The following ITSN2 variants were observed in gnomAD, a reference collection of about 807,000 sequenced individuals.
The protein encoded by ITSN2 is intersectin 2.
Under a neutral mutation model 243.7 loss-of-function variants are expected in ITSN2, and 156 were observed. The observed-to-expected ratio is 0.64, with a 90% CI of 0.56 to 0.73. ITSN2 has a LOEUF of 0.73. Among genes scored for constraint, ITSN2 ranks in the 30% least tolerant of loss-of-function variants. ITSN2 has a pLI of 0.00. For missense variants in ITSN2, 1,801 were observed against 1,996.1 expected (o/e 0.90, Z 1.86); for synonymous variants, 703 against 699.9 (o/e 1.00, Z -0.07).
Position 24,210,878 on chromosome 2 carries a change from C to T in ITSN2, c.4159G>A (p.Glu1387Lys), listed in dbSNP as rs957794000. The change falls in exon 34 of 40, where the codon GAG becomes AAG. Residue 1387 changes from glutamate (E) to lysine (K), a missense_variant. Around this residue, in one of 5 missense-constraint regions of ITSN2, gnomAD observed 928 missense variants for 1,065.4 expected, o/e 0.87. Transcript: ENST00000355123. ...SLKLALERAEELCSQVNEGVR... is the reference protein window; with the variant it reads ...SLKLALERAEKLCSQVNEGVR... ...CCCTCATTCACTTGAGAGCACAGCTCCTCTGCCCGCTCGAGGGCCAGCTTT... is the reference window on the plus strand; with the variant it reads ...CCCTCATTCACTTGAGAGCACAGCTTCTCTGCCCGCTCGAGGGCCAGCTTT... 2 of 1,614,198 alleles carry T rather than the reference C, an allele frequency of 1.2e-6. No homozygotes were observed. The highest frequency in any genetic ancestry group is 1.7e-5 in the Admixed American group (1 of 60,026).
intron 22 of ITSN2, among the ~76,000 whole-genome samples, chr2:24,259,161 C>T (rs1266416155): frequency 1.3e-5 from 2 of 152,194 alleles, no homozygotes; most frequent in South Asian, 2.1e-4. Context: ...CAAACCCATT[C>T]CTCCTGCACT....
intron 29 of ITSN2, among the ~76,000 whole-genome samples, chr2:24,244,163 T>C (rs1275120069): frequency 2.0e-5 from 3 of 152,242 alleles, no homozygotes; most frequent in East Asian, 1.9e-4. Context: ...TTCTGTATCA[T>C]TAGTGTATTA....
chr2:24,233,392 C>G (rs1435541742), intron 29 of ITSN2, among the ~76,000 whole-genome samples: 1 of 151,916 alleles, frequency 6.6e-6, no homozygotes, highest in Non-Finnish European at 1.5e-5. Context: ...GTGGCAGGTT[C>G]TTCGGTACCT....
Position 24,204,155 on chromosome 2 carries a change from G to T in ITSN2, c.4936+90C>A. On this transcript the variant is annotated intron_variant, in intron 39 of 39. Transcript: ENST00000355123. This position sits in a 1 kb window ranked among gnomAD's most constrained non-coding sequence, Gnocchi z 5.1. ...GTGTCACTTCCCTGAAGTGGCATGG[G>T]GTCTGCACACAGCTGAAGCCCCTAG... 2 of 1,295,558 alleles carry T rather than the reference G, an allele frequency of 1.5e-6. No individual in the cohort carries two copies. The highest frequency in any genetic ancestry group is 2.2e-6 in the Non-Finnish European group (2 of 904,458). The allele number at this position is 1,295,558 out of a possible 1,614,324, so 80.3% of individuals were successfully genotyped here. A position where few individuals can be genotyped will look rare whatever the true frequency, so the allele number is the denominator to read the frequency against.
At chr2:24,316,680 A>G (rs1683972673) in intron 2 of ITSN2, among the ~76,000 whole-genome samples, 1 of 152,248 alleles carries the variant, frequency 6.6e-6, no homozygotes, top group Non-Finnish European at 1.5e-5. Flanking sequence ...AATTTCTACT[A>G]TGTTAACAAC....
chr2:24,322,268 T>C (rs1684657399), intron 2 of ITSN2, among the ~76,000 whole-genome samples: 1 of 152,222 alleles, frequency 6.6e-6, no homozygotes, highest in African/African-American at 2.4e-5. Flanking sequence ...ATGAGGTAAC[T>C]ATTGCTATCA....
At position 24,286,771 on chromosome 2, in the gene ITSN2, T is replaced by A. The variant is rs370724454; in HGVS notation, c.1724-420A>T. Among the ~76,000 whole-genome samples the A allele has an allele frequency of 9.2e-4, 140 of 152,294 alleles. 3 individuals are homozygous for A. In the East Asian group the frequency reaches 0.023, roughly 25 times the overall value. On this transcript the variant is annotated intron_variant, in intron 15 of 39. Transcript: ENST00000355123. Reference sequence around the variant, plus strand: ...AGTTAAAGTAGCTTTCCATTTATTCTTAGTGCTCCCAAGAACAGGGAAATA... The same window carrying A: ...AGTTAAAGTAGCTTTCCATTTATTCATAGTGCTCCCAAGAACAGGGAAATA...
At chr2:24,248,102 G>C (rs1673626780) in intron 27 of ITSN2, among the ~76,000 whole-genome samples, 1 of 151,824 alleles carries the variant, frequency 6.6e-6, no homozygotes, top group Non-Finnish European at 1.5e-5. Flanking sequence ...ATAGAAGTGA[G>C]AGAAGAACCC....
At chr2:24,269,900 C>A (rs948784409) in intron 20 of ITSN2, among the ~76,000 whole-genome samples, 2 of 152,164 alleles carry the variant, frequency 1.3e-5, no homozygotes, top group Non-Finnish European at 2.9e-5. Flanking sequence ...CAAACCTCTC[C>A]CCCTGCTCGG....
At chr2:24,313,792 T>C (rs557161693) in intron 3 of ITSN2, among the ~76,000 whole-genome samples, 1 of 152,340 alleles carries the variant, frequency 6.6e-6, no homozygotes, top group South Asian at 2.1e-4. Context: ...GGGGTCTTCC[T>C]TAAAAATACT....
At chr2:24,268,606 T>C (rs1676956619) in intron 20 of ITSN2, among the ~76,000 whole-genome samples, 1 of 152,236 alleles carries the variant, frequency 6.6e-6, no homozygotes, top group Non-Finnish European at 1.5e-5. Context: ...TGTATACTTA[T>C]GGTTGTACAC....
At chr2:24,359,746 CAACTCCGGAGG>C (rs1461756771) in intron 1 of ITSN2, among the ~76,000 whole-genome samples, 2 of 152,138 alleles carry the variant, frequency 1.3e-5, no homozygotes, top group Non-Finnish European at 2.9e-5. Context: ...TTAACATTTC[CAACTCCGGAGG>C]AACGCGAGCG....
chr2:24,244,703 T>C (rs1673129387), intron 29 of ITSN2, among the ~76,000 whole-genome samples: 1 of 152,186 alleles, frequency 6.6e-6, no homozygotes. Flanking sequence ...AAAATGATCA[T>C]TTATTAGGCA....
intron 29 of ITSN2, among the ~76,000 whole-genome samples, chr2:24,226,823 A>G (rs1193568481): frequency 1.3e-5 from 2 of 152,244 alleles, no homozygotes; most frequent in African/African-American, 2.4e-5. Flanking sequence ...CTGGAAAATT[A>G]CACATTTAAC....
chr2:24,328,602 AC>A (rs1294923639), intron 1 of ITSN2, among the ~76,000 whole-genome samples: 1 of 152,046 alleles, frequency 6.6e-6, no homozygotes, highest in East Asian at 1.9e-4. Flanking sequence ...AGCTGGGACT[AC>A]AGGAATGCTC....
intron 29 of ITSN2, among the ~76,000 whole-genome samples, chr2:24,223,346 A>T (rs1487618125): frequency 6.6e-6 from 1 of 152,148 alleles, no homozygotes; most frequent in Admixed American, 6.5e-5. Context: ...TTACTCCCAC[A>T]GAGAACAAAA....
chr2:24,314,392 A>G (rs1193012966), intron 3 of ITSN2, among the ~76,000 whole-genome samples: 1 of 152,166 alleles, frequency 6.6e-6, no homozygotes, highest in African/African-American at 2.4e-5. Context: ...AATCAGCCCA[A>G]ATGGTTTCAA....
At chr2:24,304,003 A>C in intron 8 of ITSN2, 141 bp from the exon 9 acceptor site, 2 of 653,804 alleles carry the variant, frequency 3.1e-6, no homozygotes, top group Non-Finnish European at 5.5e-6. Context: ...ACCACGTGCT[A>C]GGTGCTAAGC....
intron 13 of ITSN2, among the ~76,000 whole-genome samples, chr2:24,296,421 A>C (rs1168916465): frequency 6.6e-6 from 1 of 152,214 alleles, no homozygotes; most frequent in Non-Finnish European, 1.5e-5. Flanking sequence ...CCCAAGCCCC[A>C]GTACCTCAGA....
Sources: gnomAD v4.1 joint callset for allele counts (sites outside exome capture counted in the v4.1 genomes callset) on GRCh38, gnomAD v4.1.1 for gene constraint, gnomAD v4.1.1 regional missense constraint, Gnocchi (gnomAD v3.1) non-coding constraint, MANE v1.5 for transcripts, NCBI Gene and HGNC (gene_info 2026-07-23, HGNC 2026-07-21) for gene names.